The following ZNF776 variants were observed in gnomAD, a reference collection of about 807,000 sequenced individuals.
The protein encoded by ZNF776 is zinc finger protein 776.
In ZNF776, 4 loss-of-function variants were observed where a neutral mutation model predicts 7.0. The observed-to-expected ratio is 0.57, with a 90% CI of 0.28 to 1.31. The LOEUF (loss-of-function observed/expected upper bound fraction) is 1.31, where lower values mean the gene tolerates loss of function less well. ZNF776 is among the 50% of genes most tolerant of loss of function. The pLI is 0.10. For synonymous variants in ZNF776, 212 were observed against 213.7 expected (o/e 0.99, Z 0.07); for missense variants, 555 against 625.9 (o/e 0.89, Z 1.21).
At position 57,754,614 on chromosome 19, in the gene ZNF776, AGT is replaced by A; in HGVS notation, c.1487_1488del (p.Cys496PhefsTer9). ...CCACATGAGTGTGGAGAATGTGGAA[AGT>A]GTTTTCGTCAAAAGGGAAACCTCAT... On this transcript the variant is annotated frameshift_variant, in exon 3 of 3. Coordinates refer to ENST00000317178, the MANE Select transcript of ZNF776 (RefSeq NM_173632.4). LOFTEE classifies it low-confidence loss of function (END_TRUNC). 1.2e-6 allele frequency: 2 copies of A among 1,614,162 alleles called. No homozygotes were observed. The highest frequency in any genetic ancestry group is 1.1e-5 in the South Asian group (1 of 91,078).
intron 1 of ZNF776, 38 bp from the exon 2 acceptor site, chr19:57,750,746 AT>A (rs1242633496): frequency 5.0e-6 from 8 of 1,595,828 alleles, no homozygotes; most frequent in Admixed American, 1.7e-5. Flanking sequence ...GGATGAGCAT[AT>A]GGAGTGTTTG....
In ZNF776 at chr19:57,754,713, A is replaced by C. The variant is rs1568477538; in HGVS notation, c.*26A>C. The C allele has an allele frequency of 2.5e-6, 4 of 1,595,526 alleles. No individual in the cohort carries two copies. The East Asian group carries it at 9.0e-5, about 36-fold the overall frequency. On this transcript the variant is annotated 3_prime_UTR_variant, in exon 3 of 3. Transcript: ENST00000317178. ...AAATTTGGCAGATCTGTTGGTAAAA[A>C]GAGCACCCTCATTCAACATTCGTGA...
chr19:57,754,514 T>C lies in ZNF776; in HGVS notation c.1384T>C (p.Cys462Arg). Residue 462 changes from cysteine to arginine, a missense_variant, in exon 3 of 3, where the codon TGT becomes CGT. Cys to Arg is a radical substitution (Grantham distance 180). Transcript: ENST00000317178. ...QIHSGERPHE[C>R]GECGKCFHQK... Reference sequence around the variant, plus strand: ...CCACTCTGGAGAAAGGCCACATGAGTGTGGAGAATGTGGGAAATGTTTTCA... The same window carrying C: ...CCACTCTGGAGAAAGGCCACATGAGCGTGGAGAATGTGGGAAATGTTTTCA... 6.2e-7 allele frequency: 1 copy of C among 1,613,968 alleles called. No homozygotes were observed. The highest frequency in any genetic ancestry group is 8.5e-7 in the Non-Finnish European group (1 of 1,179,982).
In ZNF776 at chr19:57,752,809, A is replaced by G. The variant is rs79301190; in HGVS notation, c.161-482A>G. On this transcript the variant is annotated intron_variant, in intron 2 of 2. Coordinates refer to ENST00000317178, the MANE Select transcript of ZNF776 (RefSeq NM_173632.4). ...AGTGGACTCCAATACTGGCATATCA[A>G]TTTTGTATTAGGAAGTGTGTACACA... is the stretch of plus-strand genomic sequence containing the variant. Among the ~76,000 whole-genome samples, 25 of 152,288 alleles carry G rather than the reference A, an allele frequency of 1.6e-4. No homozygotes were observed. The East Asian group carries it at 4.8e-3, about 29-fold the overall frequency.
rs1201696069 is a variant in ZNF776, at chr19:57,755,634, T to C, written c.*947T>C. The C allele has an allele frequency of 1.3e-5, 2 of 152,236 alleles. No homozygotes were observed. The highest frequency in any genetic ancestry group is 2.9e-5 in the Non-Finnish European group (2 of 68,048). The allele number at this position is 152,236 out of a possible 1,614,324, so 9.4% of individuals were successfully genotyped here. On this transcript the variant is annotated 3_prime_UTR_variant, in exon 3 of 3. Transcript: ENST00000317178. Reference sequence around the variant, plus strand: ...GTGTAACTGTGGGAGAGAGCCCTTATGAGGACACCATCAACCTATATTGAA... The same window carrying C: ...GTGTAACTGTGGGAGAGAGCCCTTACGAGGACACCATCAACCTATATTGAA...
Position 57,754,838 on chromosome 19 carries a change from G to T in ZNF776, c.*151G>T. 1.4e-6 allele frequency: 1 copy of T among 736,504 alleles called. No homozygotes were observed. Among genetic ancestry groups the T allele is most frequent in the Non-Finnish European group, 2.2e-6 (1 of 459,222 alleles). The allele number at this position is 736,504 out of a possible 1,614,324, so 45.6% of individuals were successfully genotyped here. On this transcript the variant is annotated 3_prime_UTR_variant, in exon 3 of 3. Transcript: ENST00000317178. ...AATAGCAAGATCACACTGGGGAAAG[G>T]CTTTCTGAGTGTAGAGAATGTATGA...
In ZNF776 at chr19:57,746,904, G is replaced by T; in HGVS notation, c.-155G>T. On this transcript the variant is annotated 5_prime_UTR_variant, in exon 1 of 3. Transcript: ENST00000317178. ...TAGAAGTGACTGAACCCAGAAGGTGGAGACGAGACGTTGTCCCGACTGCAC... is the reference window on the plus strand; with the variant it reads ...TAGAAGTGACTGAACCCAGAAGGTGTAGACGAGACGTTGTCCCGACTGCAC... 8 of 661,054 alleles carry T rather than the reference G, an allele frequency of 1.2e-5. No homozygotes were observed. Among genetic ancestry groups the T allele is most frequent in the South Asian group, 6.8e-5 (3 of 43,922 alleles). 40.9% of individuals were successfully genotyped at this position (661,054 alleles called of 1,614,324 possible).
chr19:57,752,686 G>A (rs183569757), intron 2 of ZNF776, among the ~76,000 whole-genome samples: 3 of 152,130 alleles, frequency 2.0e-5, no homozygotes, highest in Admixed American at 6.5e-5. Context: ...AGACTTCACC[G>A]TTCTATACCC....
In ZNF776 at chr19:57,753,737, G is replaced by C; in HGVS notation, c.607G>C (p.Gly203Arg). Reference protein sequence around the residue: ...FETKHGIPLQGGKTHYICGES... With the variant: ...FETKHGIPLQRGKTHYICGES... ...AACTAAGCATGGGATACCCCTTCAG[G>C]GTGGAAAAACTCATTACATCTGTGG... The change falls in exon 3 of 3, where the codon GGT becomes CGT. Residue 203 changes from glycine to arginine, a missense_variant. Coordinates refer to ENST00000317178, the MANE Select transcript of ZNF776 (RefSeq NM_173632.4). 6.2e-7 allele frequency: 1 copy of C among 1,614,172 alleles called. No homozygotes were observed. Among genetic ancestry groups the C allele is most frequent in the Non-Finnish European group, 8.5e-7 (1 of 1,180,034 alleles).
chr19:57,753,440 C>T lies in ZNF776; in HGVS notation c.310C>T (p.His104Tyr). The T allele has an allele frequency of 6.2e-7, 1 of 1,614,172 alleles. No individual in the cohort carries two copies. Among genetic ancestry groups the T allele is most frequent in the Non-Finnish European group, 8.5e-7 (1 of 1,180,048 alleles). The stretch of plus-strand genomic sequence containing the variant: ...TGGCCCTCTCCTGGGAGATATCTTA[C>T]ACCAGGGAACACAACACAATCAGAA... ...MCGPLLGDIL[H>Y]QGTQHNQKLN... is the part of the protein sequence containing the mutation. Residue 104 changes from histidine (H) to tyrosine (Y), a missense_variant, in exon 3 of 3, where the codon CAC (histidine) becomes TAC (tyrosine). Coordinates refer to ENST00000317178, the MANE Select transcript of ZNF776 (RefSeq NM_173632.4).
chr19:57,757,541 G>A lies in ZNF776; in HGVS notation c.*2854G>A, dbSNP rs1416982269. On this transcript the variant is annotated 3_prime_UTR_variant, in exon 3 of 3. Coordinates refer to ENST00000317178, the MANE Select transcript of ZNF776 (RefSeq NM_173632.4). ...TCACACAGGCTAATTGCCCCCCTTA[G>A]GGCGTGATGAGAGTTAGGAGAGTCA... is the stretch of plus-strand genomic sequence containing the variant. 6.6e-6 allele frequency: 1 copy of A among 152,204 alleles called. No individual in the cohort carries two copies. The highest frequency in any genetic ancestry group is 1.5e-5 in the Non-Finnish European group (1 of 68,056). The allele number at this position is 152,204 out of a possible 1,614,324, so 9.4% of individuals were successfully genotyped here.
rs745768250 is a variant in ZNF776 at position 57,753,519 on chromosome 19, A to G, written c.389A>G (p.His130Arg). The G allele has an allele frequency of 3.1e-6, 5 of 1,614,140 alleles. No homozygotes were observed. In the African/African-American group the frequency reaches 5.3e-5, roughly 17 times the overall value. ...EKKLDDDANH[H>R]QDQKQHIGEK... ...AAATTGGATGACGATGCAAACCATC[A>G]TCAAGACCAGAAGCAGCACATTGGA... The change falls in exon 3 of 3, where the codon CAT (histidine) becomes CGT (arginine). Residue 130 changes from histidine to arginine, a missense_variant. Coordinates refer to ENST00000317178, the MANE Select transcript of ZNF776 (RefSeq NM_173632.4).
intron 2 of ZNF776, among the ~76,000 whole-genome samples, chr19:57,752,131 C>T (rs1413049456): frequency 3.3e-5 from 5 of 152,000 alleles, no homozygotes; most frequent in Admixed American, 1.3e-4. Context: ...CTCGGGCTCC[C>T]GGAGCTGGGA....
At chr19:57,748,394 T>C (rs1459165524) in intron 1 of ZNF776, among the ~76,000 whole-genome samples, 3 of 152,218 alleles carry the variant, frequency 2.0e-5, no homozygotes, top group Non-Finnish European at 2.9e-5. Flanking sequence ...ATGACTGTTA[T>C]GGCCATATGA....
At position 57,753,410 on chromosome 19, in the gene ZNF776, A is replaced by T; in HGVS notation, c.280A>T (p.Met94Leu). ...TACCAAGAAGGTCCACCTCTGGGGA[A>T]TGTGTGGCCCTCTCCTGGGAGATAT... ...VCTKKVHLWG[M>L]CGPLLGDILH... The change falls in exon 3 of 3, where the codon ATG becomes TTG. Residue 94 changes from methionine (M) to leucine (L), a missense_variant. Met to Leu is a conservative substitution (Grantham distance 15). Transcript: ENST00000317178. 1 of 1,614,228 alleles carries T rather than the reference A, an allele frequency of 6.2e-7. No homozygotes were observed. Among genetic ancestry groups the T allele is most frequent in the Non-Finnish European group, 8.5e-7 (1 of 1,180,038 alleles).
In ZNF776 at chr19:57,754,783, C is replaced by T; in HGVS notation, c.*96C>T. On this transcript the variant is annotated 3_prime_UTR_variant, in exon 3 of 3. Coordinates refer to ENST00000317178, the MANE Select transcript of ZNF776 (RefSeq NM_173632.4). ...TATGAGTATGGAGAATGTGCAAAATCATCTAGCCAAAAGGTTGGCCTCATT... is the reference window on the plus strand; with the variant it reads ...TATGAGTATGGAGAATGTGCAAAATTATCTAGCCAAAAGGTTGGCCTCATT... 1 of 1,306,016 alleles carries T rather than the reference C, an allele frequency of 7.7e-7. No homozygotes were observed. The highest frequency in any genetic ancestry group is 1.1e-6 in the Non-Finnish European group (1 of 946,386). 80.9% of individuals were successfully genotyped at this position (1,306,016 alleles called of 1,614,324 possible). A position where few individuals can be genotyped will look rare whatever the true frequency, so the allele number is the denominator to read the frequency against.
At position 57,753,355 on chromosome 19, in the gene ZNF776, C is replaced by T. The variant is rs113708527; in HGVS notation, c.225C>T (p.Ser75=). 928 of 1,614,154 alleles carry T rather than the reference C, an allele frequency of 5.7e-4. 11 individuals are homozygous for T. In the African/African-American group the frequency reaches 0.01, roughly 18 times the overall value. ...AGACCCTTTCTATACAACAGGAGTC[C>T]CCACTCAGGACACATTGGACAGGTG... ...SKQTLSIQQE[S]PLRTHWTGVC... The change falls in exon 3 of 3, where the codon TCC becomes TCT. Residue 75 remains serine (S), a synonymous_variant. Transcript: ENST00000317178.
chr19:57,753,230 G>A, intron 2 of ZNF776, 61 bp from the exon 3 acceptor site: 2 of 1,506,082 alleles, frequency 1.3e-6, no homozygotes, highest in Non-Finnish European at 9.1e-7. Flanking sequence ...GATCAGGTAT[G>A]GCTTAGTAAT....
intron 2 of ZNF776, among the ~76,000 whole-genome samples, 194 bp downstream of exon 2, chr19:57,751,105 A>G (rs1986590919): frequency 6.6e-6 from 1 of 152,048 alleles, no homozygotes; most frequent in African/African-American, 2.4e-5. Context: ...AGCAGCCCCA[A>G]CACCTGCTTT....
Sources: gnomAD v4.1 joint callset for allele counts (sites outside exome capture counted in the v4.1 genomes callset) on GRCh38, gnomAD v4.1.1 for gene constraint, MANE v1.5 for transcripts, NCBI Gene and HGNC (gene_info 2026-07-23, HGNC 2026-07-21) for gene names.